Variants in ARSB observed in about 807,000 individuals in gnomAD.
The protein encoded by ARSB is arylsulfatase B, also known as N-acetylgalactosamine-4-sulfatase.
A neutral mutation model predicts 50.9 loss-of-function variants in ARSB; 41 were observed. The ratio of observed to expected loss-of-function variants is 0.81; its 90% CI spans 0.63 to 1.04. ARSB has a LOEUF of 1.04. ARSB is among the 50% of genes least tolerant of loss of function. ARSB has a pLI of 0.00. For synonymous variants in ARSB, 269 were observed against 284.8 expected (o/e 0.94, Z 0.56); for missense variants, 672 against 693.3 (o/e 0.97, Z 0.35).
intron 6 of ARSB, among the ~76,000 whole-genome samples, chr5:78,834,100 C>G (rs1744818851): frequency 1.3e-5 from 2 of 152,096 alleles, no homozygotes; most frequent in African/African-American, 4.8e-5. Context: ...CTGATATTAA[C>G]CCAACAACTT....
At chr5:78,813,615 G>A (rs1335686759) in intron 6 of ARSB, among the ~76,000 whole-genome samples, 1 of 152,014 alleles carries the variant, frequency 6.6e-6, no homozygotes, top group Admixed American at 6.6e-5. Context: ...AAATTAGTTG[G>A]GCATGGTAGC....
At chr5:78,928,979 TC>T (rs1750191194) in intron 4 of ARSB, among the ~76,000 whole-genome samples, 1 of 152,022 alleles carries the variant, frequency 6.6e-6, no homozygotes, top group Non-Finnish European at 1.5e-5. Flanking sequence ...CCCTGCTCAC[TC>T]CCCATGCCCA....
chr5:78,928,305 CTTTTTTTTTT>C (rs34737292), intron 4 of ARSB, among the ~76,000 whole-genome samples: 974 of 72,568 alleles, frequency 0.013, 7 homozygotes, highest in African/African-American at 0.046. Context: ...TTTGCTTTTG[CTTTTTTTTTT>C]TTTTTTTTTT....
At chr5:78,928,419 G>A (rs1019961901) in intron 4 of ARSB, among the ~76,000 whole-genome samples, 6 of 136,874 alleles carry the variant, frequency 4.4e-5, no homozygotes, top group African/African-American at 8.2e-5. Context: ...AGGTTCAAGC[G>A]ATTCTCCTGC....
chr5:78,870,094 C>G (rs1225187200), intron 5 of ARSB, among the ~76,000 whole-genome samples: 3 of 135,182 alleles, frequency 2.2e-5, no homozygotes, highest in African/African-American at 8.1e-5. Context: ...GACACATACA[C>G]TCTCCCAAGA....
At chr5:78,956,061 A>C (rs895080442) in intron 3 of ARSB, among the ~76,000 whole-genome samples, 3 of 152,220 alleles carry the variant, frequency 2.0e-5, no homozygotes, top group Non-Finnish European at 2.9e-5. Flanking sequence ...ACATCCACCC[A>C]AAAACTTCCA....
Position 78,819,214 on chromosome 5 carries a change from A to C in ARSB, c.1213+20142T>G, listed in dbSNP as rs113174874. On this transcript the variant is annotated intron_variant, in intron 6 of 7. Transcript: ENST00000264914. ...GCTGGGAGGTGATGGTCCTACCATC[A>C]TGAGGAGGTTGAAAGAAAGGGTAGG... Among the ~76,000 whole-genome samples, 7 of 152,288 alleles carry C rather than the reference A, an allele frequency of 4.6e-5. No individual in the cohort carries two copies. The South Asian group carries it at 8.3e-4, about 18-fold the overall frequency.
At chr5:78,877,383 T>C (rs1747534765) in intron 5 of ARSB, among the ~76,000 whole-genome samples, 1 of 151,542 alleles carries the variant, frequency 6.6e-6, no homozygotes, top group Admixed American at 6.6e-5. Context: ...AAGCTTTATT[T>C]TTATTTATTT....
intron 4 of ARSB, among the ~76,000 whole-genome samples, chr5:78,896,139 G>C (rs1748548700): frequency 6.6e-6 from 1 of 152,154 alleles, no homozygotes; most frequent in Non-Finnish European, 1.5e-5. Flanking sequence ...AGTGTGGAAG[G>C]GGTTGCAGCT....
chr5:78,781,321 C>CTT (rs1275224885), intron 7 of ARSB, among the ~76,000 whole-genome samples: 1 of 124,616 alleles, frequency 8.0e-6, no homozygotes, highest in African/African-American at 3.4e-5. Flanking sequence ...CTCTCTCTCT[C>CTT]TCTTTTTTTT....
At chr5:78,962,654 A>G (rs1752042824) in intron 3 of ARSB, among the ~76,000 whole-genome samples, 1 of 151,544 alleles carries the variant, frequency 6.6e-6, no homozygotes, top group Admixed American at 6.6e-5. Context: ...CAACCTCCAG[A>G]GTAGCTGGAC....
Position 78,955,411 on chromosome 5 carries a change from T to C in ARSB, c.782A>G (p.Lys261Arg). The change falls in exon 4 of 8, where the codon AAG (lysine) becomes AGG (arginine). Residue 261 changes from lysine to arginine, a missense_variant. Lys to Arg is a conservative substitution (Grantham distance 26). Transcript: ENST00000264914. Reference sequence around the variant, plus strand: ...CATTCCTGCATAGTGATGCCTGTTCTTGTCTTGGATAAAGTCATATGGCTT... The same window carrying C: ...CATTCCTGCATAGTGATGCCTGTTCCTGTCTTGGATAAAGTCATATGGCTT... ...YLKPYDFIQDKNRHHYAGMVS... is the reference protein window; with the variant it reads ...YLKPYDFIQDRNRHHYAGMVS... 6.2e-7 allele frequency: 1 copy of C among 1,614,216 alleles called. No individual in the cohort carries two copies. Among genetic ancestry groups the C allele is most frequent in the Non-Finnish European group, 8.5e-7 (1 of 1,180,032 alleles).
chr5:78,985,328 G>A (rs1259851109), upstream of ARSB: 3 of 1,195,558 alleles, frequency 2.5e-6, no homozygotes, highest in African/African-American at 4.8e-5. Flanking sequence ...TGGGCTGCCG[G>A]GGCCTGCTCC....
intron 5 of ARSB, among the ~76,000 whole-genome samples, chr5:78,873,651 A>C (rs575932745): frequency 1.5e-4 from 23 of 149,830 alleles, no homozygotes; most frequent in African/African-American, 5.4e-4. Flanking sequence ...GCCCGCCACT[A>C]CGCCCGGCTA....
At chr5:78,809,149 C>A (rs1272623624) in intron 6 of ARSB, among the ~76,000 whole-genome samples, 1 of 152,176 alleles carries the variant, frequency 6.6e-6, no homozygotes, top group Non-Finnish European at 1.5e-5. Flanking sequence ...ATAAATAACT[C>A]TATCATAATG....
chr5:78,964,858 T>C (rs910276462), intron 2 of ARSB, among the ~76,000 whole-genome samples: 2 of 84,448 alleles, frequency 2.4e-5, no homozygotes, highest in Non-Finnish European at 4.5e-5. Context: ...CACTAACAGT[T>C]TTTTTTTTTA....
chr5:78,816,995 A>G lies in ARSB; in HGVS notation c.1213+22361T>C, dbSNP rs1339948013. 6.7e-6 allele frequency: 5 copies of G among 750,974 alleles called. No individual in the cohort carries two copies. The African/African-American group carries it at 7.6e-5, about 11-fold the overall frequency. The allele number at this position is 750,974 out of a possible 1,614,324, so 46.5% of individuals were successfully genotyped here. On this transcript the variant is annotated intron_variant, in intron 6 of 7. Transcript: ENST00000264914. ...CTTCAGACCTACAGAACTGTGAGGT[A>G]GTAAACAGGTGTTATTTTAAGCTGC...
chr5:78,905,680 C>T (rs907404194), intron 4 of ARSB, among the ~76,000 whole-genome samples: 1 of 152,016 alleles, frequency 6.6e-6, no homozygotes, highest in Non-Finnish European at 1.5e-5. Context: ...GCCTGTGTGG[C>T]ATATATGCAC....
At chr5:78,821,844 A>T (rs566076571) in intron 6 of ARSB, among the ~76,000 whole-genome samples, 14 of 152,300 alleles carry the variant, frequency 9.2e-5, no homozygotes, top group African/African-American at 3.1e-4. Context: ...TGGTGTGTGT[A>T]CAGCTTTCTC....
Sources: allele counts gnomAD v4.1 joint callset (sites outside exome capture counted in the v4.1 genomes callset), GRCh38; gene constraint gnomAD v4.1.1; transcripts MANE v1.5; gene names NCBI Gene and HGNC (gene_info 2026-07-23, HGNC 2026-07-21).